Variants in NUDT1 observed in about 807,000 individuals in gnomAD.
NUDT1 encodes the protein oxidized purine nucleoside triphosphate hydrolase.
Under a neutral mutation model 11.3 loss-of-function variants are expected in NUDT1, and 16 were observed. That is an observed-to-expected ratio of 1.41 (90% CI 0.96 to 2.15). NUDT1 has a LOEUF of 2.15. NUDT1 is among the 30% of genes most tolerant of loss of function. The pLI is 0.00. For missense variants in NUDT1, 234 were observed against 208.4 expected (o/e 1.12, Z -0.76); for synonymous variants, 101 against 84.4 (o/e 1.20, Z -1.08).
intron 2 of NUDT1, among the ~76,000 whole-genome samples, chr7:2,246,402 A>T (rs1794768298): frequency 2.0e-5 from 3 of 152,134 alleles, no homozygotes; most frequent in African/African-American, 7.2e-5. Flanking sequence ...GTTGGCTGGG[A>T]GAGTGTGGAA....
In NUDT1 at chr7:2,249,888, G is replaced by GCC. The variant is rs758441975; in HGVS notation, c.184_185insCC (p.Asp62AlafsTer111). 5.0e-6 allele frequency: 8 copies of GCC among 1,613,936 alleles called. No homozygotes were observed. The highest frequency in any genetic ancestry group is 3.3e-5 in the South Asian group (3 of 91,096). ...GCAGGAGGAGAGCGGTCTGACAGTG[G>GCC]ACGCCCTGCACAAGGTGGGCCAGAT... is the stretch of plus-strand genomic sequence containing the variant. On this transcript the variant is annotated frameshift_variant, in exon 3 of 4. Coordinates refer to ENST00000356714, the MANE Select transcript of NUDT1 (RefSeq NM_002452.4). LOFTEE classifies it high-confidence loss of function.
chr7:2,250,815 C>T lies in NUDT1; in HGVS notation c.299-14C>T. The T allele has an allele frequency of 6.2e-7, 1 of 1,613,998 alleles. No individual in the cohort carries two copies. The highest frequency in any genetic ancestry group is 8.5e-7 in the Non-Finnish European group (1 of 1,179,914). On this transcript the variant is annotated splice_polypyrimidine_tract_variant and intron_variant, in intron 3 of 3. Transcript: ENST00000356714. ...GGTTGCACCTCAGTGCCTCCTCTTC[C>T]CCCATTGGTACAGAAATGCGCCCAT... is the stretch of plus-strand genomic sequence containing the variant.
At chr7:2,243,155 G>T in intron 1 of NUDT1, 2 of 603,606 alleles carry the variant, frequency 3.3e-6, no homozygotes, top group South Asian at 4.0e-5. Flanking sequence ...GCCTGTTGGT[G>T]TGCTTTCCAC....
chr7:2,242,365 G>T (rs1180007200), intron 1 of NUDT1, 109 bp downstream of exon 1: 6 of 545,006 alleles, frequency 1.1e-5, no homozygotes, highest in South Asian at 2.4e-5. Context: ...TTGGGGGAGA[G>T]CGGGGCCGGG....
In NUDT1 at chr7:2,244,624, G is replaced by C; in HGVS notation, c.50G>C (p.Arg17Pro). ...YTLVLVLQPQ[R>P]VLLGMKKRGF... ...CTGGTGCTGGTCCTGCAGCCTCAGC[G>C]AGTTCTCCTGGGCATGAAAAAGCGA... Residue 17 changes from arginine to proline, a missense_variant, in exon 2 of 4, where the codon CGA becomes CCA. Arg to Pro is a moderately radical substitution (Grantham distance 103, BLOSUM62 -2). Coordinates refer to ENST00000356714, the MANE Select transcript of NUDT1 (RefSeq NM_002452.4). 1 of 1,613,716 alleles carries C rather than the reference G, an allele frequency of 6.2e-7. No individual in the cohort carries two copies. The highest frequency in any genetic ancestry group is 8.5e-7 in the Non-Finnish European group (1 of 1,179,800).
At chr7:2,243,519 T>C (rs1337147430) in intron 1 of NUDT1, among the ~76,000 whole-genome samples, 1 of 152,138 alleles carries the variant, frequency 6.6e-6, no homozygotes, top group African/African-American at 2.4e-5. Flanking sequence ...ACGCCTGTAA[T>C]CTCAGCACTT....
intron 2 of NUDT1, among the ~76,000 whole-genome samples, chr7:2,246,022 C>T (rs756260992): frequency 8.5e-5 from 13 of 152,156 alleles, no homozygotes; most frequent in Non-Finnish European, 1.0e-4. Context: ...TGCTGGGGGC[C>T]GCAGCTGGGG....
rs1265576149 is a variant in NUDT1 at position 2,250,729 on chromosome 7, A to G, written c.299-100A>G. ...CGCCTCGGCCTCCCAAAGTGCTGGG[A>G]TTACAGGCGTGAGCCACCGCGCCCG... On this transcript the variant is annotated intron_variant, in intron 3 of 3. Coordinates refer to ENST00000356714, the MANE Select transcript of NUDT1 (RefSeq NM_002452.4). The G allele has an allele frequency of 5.6e-5, 64 of 1,145,806 alleles. No individual in the cohort carries two copies. In the South Asian group the frequency reaches 7.2e-4, roughly 13 times the overall value. The allele number at this position is 1,145,806 out of a possible 1,614,324, so 71.0% of individuals were successfully genotyped here. A position where few individuals can be genotyped will look rare whatever the true frequency, so the allele number is the denominator to read the frequency against.
chr7:2,247,784 A>G (rs1445252853), intron 2 of NUDT1, among the ~76,000 whole-genome samples: 1 of 152,204 alleles, frequency 6.6e-6, no homozygotes, highest in Non-Finnish European at 1.5e-5. Flanking sequence ...CTACGCTGCC[A>G]TGTGCTAGGG....
chr7:2,243,168 C>T, intron 1 of NUDT1: 1 of 578,986 alleles, frequency 1.7e-6, no homozygotes, highest in Non-Finnish European at 3.1e-6. Context: ...CTTTCCACGT[C>T]CTCTTGACGT....
intron 1 of NUDT1, chr7:2,242,783 G>A (rs1218499232): frequency 8.3e-6 from 5 of 600,604 alleles, no homozygotes; most frequent in Middle Eastern, 4.4e-4. Context: ...AGTGTCTAGG[G>A]GTGAATGTTT....
chr7:2,244,800 C>G, intron 2 of NUDT1, 74 bp downstream of exon 2: 2 of 1,534,888 alleles, frequency 1.3e-6, no homozygotes, highest in Non-Finnish European at 1.8e-6. Flanking sequence ...GGGCCACACC[C>G]TTGGTTTCAC....
chr7:2,244,409 C>A, intron 1 of NUDT1, 154 bp from the exon 2 acceptor site: 1 of 714,684 alleles, frequency 1.4e-6, no homozygotes, highest in Non-Finnish European at 2.2e-6. Flanking sequence ...TTCCACCTGC[C>A]ACAAGGGAAG....
intron 2 of NUDT1, among the ~76,000 whole-genome samples, chr7:2,247,679 G>C (rs1173117026): frequency 2.6e-5 from 4 of 152,212 alleles, no homozygotes; most frequent in Non-Finnish European, 5.9e-5. Context: ...GCAGACACTT[G>C]GGCAGAACTG....
rs778951913 is a variant in NUDT1 at position 2,244,541 on chromosome 7, T to C, written c.-12-22T>C. ...CCTCCACGCACGTCATGGCTGACTC[T>C]GCCCTCTCACCTTCCTTTCAGAACC... On this transcript the variant is annotated intron_variant, in intron 1 of 3. Transcript: ENST00000356714. The C allele has an allele frequency of 9.9e-6, 15 of 1,517,048 alleles. No individual in the cohort carries two copies. The East Asian group carries it at 3.5e-4, about 35-fold the overall frequency. 94.0% of individuals were successfully genotyped at this position (1,517,048 alleles called of 1,614,324 possible). A position where few individuals can be genotyped will look rare whatever the true frequency, so the allele number is the denominator to read the frequency against.
Position 2,244,569 on chromosome 7 carries a change from G to T in NUDT1, c.-6G>T, listed in dbSNP as rs770176058. On this transcript the variant is annotated 5_prime_UTR_variant, in exon 2 of 4. In the 5' UTR this introduces an upstream ATG that the reference lacks. Transcript: ENST00000356714. ...CCTCTCACCTTCCTTTCAGAACCCA[G>T]GGACCATGGGCGCCTCCAGGCTCTA... 2.6e-6 allele frequency: 4 copies of T among 1,564,686 alleles called. No homozygotes were observed. The highest frequency in any genetic ancestry group is 3.5e-6 in the Non-Finnish European group (4 of 1,153,480).
chr7:2,244,462 C>CA, intron 1 of NUDT1, 101 bp from the exon 2 acceptor site: 4 of 921,740 alleles, frequency 4.3e-6, no homozygotes, highest in Non-Finnish European at 4.7e-6. Context: ...ACCCCCCCGC[C>CA]CCCCACTGCC....
At chr7:2,246,666 C>T (rs576366735) in intron 2 of NUDT1, among the ~76,000 whole-genome samples, 5 of 152,310 alleles carry the variant, frequency 3.3e-5, no homozygotes, top group African/African-American at 1.2e-4. Flanking sequence ...GTAAATATTA[C>T]ACAAACAGAG....
chr7:2,248,525 T>A (rs184601699), intron 2 of NUDT1, among the ~76,000 whole-genome samples: 2 of 150,612 alleles, frequency 1.3e-5, no homozygotes, highest in East Asian at 3.9e-4. Context: ...AAGCCCGAGG[T>A]ATAAAGTGTG....
Sources: allele counts gnomAD v4.1 joint callset (sites outside exome capture counted in the v4.1 genomes callset), GRCh38; gene constraint gnomAD v4.1.1; transcripts MANE v1.5; gene names NCBI Gene and HGNC (gene_info 2026-07-23, HGNC 2026-07-21).